The following TPO variants were observed in gnomAD, a reference collection of about 807,000 sequenced individuals.
TPO encodes thyroid microsomal antigen.
TPO carries 78 observed loss-of-function variants against 96.9 expected under a neutral mutation model. The observed-to-expected ratio is 0.81, with a 90% CI of 0.67 to 0.97. The LOEUF (loss-of-function observed/expected upper bound fraction) is 0.97. TPO is among the 50% of genes least tolerant of loss of function. TPO has a pLI of 0.00. For missense variants in TPO, 1,252 were observed against 1,274.8 expected, an observed-to-expected ratio of 0.98 and a Z score of 0.27; for synonymous variants, 547 against 538.0, an observed-to-expected ratio of 1.02 and a Z score of -0.23.
chr2:1,489,941 C>T (rs1016658905), intron 10 of TPO, among the ~76,000 whole-genome samples: 1 of 115,550 alleles, frequency 8.7e-6, no homozygotes, highest in East Asian at 2.6e-4. Context: ...GGAGGAGTCA[C>T]GACAGAGCAG....
At chr2:1,391,934 T>C (rs539291758) in intron 1 of TPO, among the ~76,000 whole-genome samples, 4 of 152,234 alleles carry the variant, frequency 2.6e-5, no homozygotes, top group South Asian at 4.2e-4. Flanking sequence ...ATGGGGTTTT[T>C]TAAATATACA....
chr2:1,460,912 G>GCTCCACCTTTGGGGAT (rs1474558297), intron 7 of TPO, among the ~76,000 whole-genome samples: 2 of 152,206 alleles, frequency 1.3e-5, no homozygotes, highest in African/African-American at 4.8e-5. Context: ...GTGCGTGGGG[G>GCTCCACCTTTGGGGAT]CTCCACCTTT....
At chr2:1,541,147 C>G (rs548984797) in intron 16 of TPO, 2 of 1,178,144 alleles carry the variant, frequency 1.7e-6, no homozygotes, top group South Asian at 3.3e-5. Flanking sequence ...ATGCAGAACC[C>G]CAAGGGAGGC....
chr2:1,413,925 A>G (rs1662607294), intron 1 of TPO, among the ~76,000 whole-genome samples: 2 of 152,238 alleles, frequency 1.3e-5, no homozygotes, highest in South Asian at 4.1e-4. Flanking sequence ...AGAATTCTAA[A>G]ATCATTTTAT....
intron 15 of TPO, among the ~76,000 whole-genome samples, chr2:1,526,622 C>T (rs552754780): frequency 2.7e-5 from 4 of 147,060 alleles, no homozygotes; most frequent in Non-Finnish European, 4.5e-5. Context: ...TCTGTGCAAC[C>T]TCCCCAAATC....
Position 1,484,773 on chromosome 2 carries a change from G to A in TPO, c.1516G>A (p.Ala506Thr), listed in dbSNP as rs775435578. The A allele has an allele frequency of 2.1e-5, 34 of 1,613,936 alleles. No individual in the cohort carries two copies. Among genetic ancestry groups the A allele is most frequent in the African/African-American group, 9.3e-5 (7 of 74,914 alleles). Residue 506 changes from alanine (A) to threonine (T), a missense_variant, in exon 9 of 17, where the codon GCC becomes ACC. Ala to Thr is a moderately conservative substitution (Grantham distance 58). Transcript: ENST00000329066. ...CCACCCGCTGGTGAGGAGGCTGGAC[G>A]CCAGCTTCCAGGAGCACCCCGACCT... ...TIHPLVRRLD[A>T]SFQEHPDLPG...
chr2:1,542,498 G>A lies in TPO; in HGVS notation c.*24G>A. On this transcript the variant is annotated 3_prime_UTR_variant, in exon 17 of 17. Transcript: ENST00000329066. ...GAGGGCAAAGTGGCAGGACACTGCA[G>A]AACAGCTTCATGTTCCCAAAATCAC... is the stretch of plus-strand genomic sequence containing the variant. 1 of 1,614,000 alleles carries A rather than the reference G, an allele frequency of 6.2e-7. No individual in the cohort carries two copies. The highest frequency in any genetic ancestry group is 8.5e-7 in the Non-Finnish European group (1 of 1,179,988).
intron 8 of TPO, among the ~76,000 whole-genome samples, chr2:1,484,269 T>C (rs1480564600): frequency 3.9e-5 from 6 of 152,336 alleles, no homozygotes; most frequent in Non-Finnish European, 7.3e-5. Context: ...CTCCCCACTG[T>C]CAATCATCCA....
intron 8 of TPO, among the ~76,000 whole-genome samples, chr2:1,482,281 C>T (rs756660562): frequency 1.3e-5 from 2 of 152,178 alleles, no homozygotes; most frequent in Non-Finnish European, 2.9e-5. Flanking sequence ...CCATCATTTT[C>T]CCAAGTGTGG....
rs756621991 is a variant in TPO, at chr2:1,477,051, G to A, written c.820-35G>A. On this transcript the variant is annotated intron_variant, in intron 7 of 16. Transcript: ENST00000329066. ...AGAGTCTTACAAAGGGTGCACGGGG[G>A]CCCTGGGTGACCTTGAACTCCCCTT... 17 of 1,590,400 alleles carry A rather than the reference G, an allele frequency of 1.1e-5. No individual in the cohort carries two copies. In the African/African-American group the frequency reaches 1.1e-4, roughly 10 times the overall value.
chr2:1,445,413 G>A (rs377045701), intron 5 of TPO, among the ~76,000 whole-genome samples: 1,390 of 87,818 alleles, frequency 0.016, 60 homozygotes, highest in Middle Eastern at 0.042. Flanking sequence ...GCTGCAGGAG[G>A]TACCCTGTTG....
intron 15 of TPO, among the ~76,000 whole-genome samples, chr2:1,525,987 ACCTCCCCAAATCCCCCACTGTGT>A (rs1335256495): frequency 2.6e-5 from 2 of 76,274 alleles, no homozygotes; most frequent in South Asian, 5.0e-4. Flanking sequence ...ACTGTGAGCA[ACCTCCCCAAATCCCCCACTGTGT>A]GCAACCTCCC....
intron 1 of TPO, among the ~76,000 whole-genome samples, chr2:1,375,169 C>G (rs1661703694): frequency 6.6e-6 from 1 of 151,690 alleles, no homozygotes; most frequent in South Asian, 2.1e-4. Context: ...TTACTTTGAC[C>G]ACGCATTGCT....
At chr2:1,527,332 C>T (rs1423600774) in intron 15 of TPO, among the ~76,000 whole-genome samples, 5 of 141,422 alleles carry the variant, frequency 3.5e-5, no homozygotes, top group Admixed American at 3.5e-4. Flanking sequence ...GTGTAACCTC[C>T]CAAAATACCC....
chr2:1,493,757 AG>A, intron 10 of TPO, 44 bp from the exon 11 acceptor site: 1 of 1,607,980 alleles, frequency 6.2e-7, no homozygotes, highest in Non-Finnish European at 8.5e-7. Context: ...GCTGAACAAA[AG>A]TTCAGTTCTG....
At position 1,388,138 on chromosome 2, in the gene TPO, G is replaced by A. The variant is rs186360093; in HGVS notation, n.180+13736G>A. Among the ~76,000 whole-genome samples the A allele has an allele frequency of 4.1e-3, 623 of 152,348 alleles. 2 individuals carry two copies. Among genetic ancestry groups the A allele is most frequent in the Non-Finnish European group, 5.2e-3 (356 of 68,032 alleles). ...TGCCCCTACTCGGGGGTGCCTCCCA[G>A]TTAGGCTACTTGGGGGTTAGGGACC... On this transcript the variant is annotated intron_variant and non_coding_transcript_variant, in intron 1 of 5. Coordinates refer to the TPO transcript ENST00000497517.
chr2:1,524,057 A>C (rs1271941484), intron 15 of TPO, among the ~76,000 whole-genome samples: 2 of 106,030 alleles, frequency 1.9e-5, no homozygotes, highest in African/African-American at 7.6e-5. Context: ...CATTGTGGGC[A>C]ACAACACCAA....
At chr2:1,484,466 C>A in intron 8 of TPO, 130 bp from the exon 9 acceptor site, 3 of 1,172,766 alleles carry the variant, frequency 2.6e-6, no homozygotes, top group Non-Finnish European at 3.6e-6. Context: ...TCAGCTGAGG[C>A]CCTTATTACA....
chr2:1,523,015 C>CT (rs1020298122), intron 15 of TPO, among the ~76,000 whole-genome samples: 4 of 58,056 alleles, frequency 6.9e-5, no homozygotes, highest in Non-Finnish European at 1.5e-4. Context: ...CCCCAGATCC[C>CT]CCCAACTCTG....
Sources: gnomAD v4.1 joint callset for allele counts (sites outside exome capture counted in the v4.1 genomes callset) on GRCh38, gnomAD v4.1.1 for gene constraint, MANE v1.5 for transcripts, NCBI Gene and HGNC (gene_info 2026-07-23, HGNC 2026-07-21) for gene names.